EMILIN1: variants seen among roughly 807,000 people sequenced by gnomAD.
EMILIN1 encodes the protein EMILIN-1.
EMILIN1 carries 49 observed loss-of-function variants against 82.4 expected under a neutral mutation model. That is an observed-to-expected ratio of 0.59 (90% CI 0.47 to 0.75). The LOEUF is 0.75. Ranked by LOEUF, EMILIN1 falls within the 30% of genes least tolerant of loss-of-function variation. The pLI, the probability that EMILIN1 is intolerant of heterozygous loss-of-function variation, is 0.00. For missense variants in EMILIN1, 1,313 were observed against 1,366.4 expected (o/e 0.96, Z 0.62); for synonymous variants, 604 against 602.2 (o/e 1.00, Z -0.04).
chr2:27,081,209 AAG>A (rs1669471036), intron 3 of EMILIN1, among the ~76,000 whole-genome samples: 2 of 151,756 alleles, frequency 1.3e-5, no homozygotes, highest in East Asian at 3.9e-4. Context: ...GACTGAGAAA[AAG>A]AAGGCCAAAA....
At chr2:27,085,318 G>A (rs1229390342) in intron 7 of EMILIN1, 21 bp downstream of exon 7, 1 of 1,613,576 alleles carries the variant, frequency 6.2e-7, no homozygotes, top group Non-Finnish European at 8.5e-7. Context: ...GAGGGGCTGG[G>A]TTGAACGGTT....
In EMILIN1 at chr2:27,080,895, C is replaced by T. The variant is rs1221738236; in HGVS notation, c.454C>T (p.Arg152Cys). The change falls in exon 3 of 8, where the codon CGC (arginine) becomes TGC (cysteine). Residue 152 changes from arginine to cysteine, a missense_variant. Physicochemically the swap from Arg to Cys is radical, Grantham distance 180 (BLOSUM62 -3). Transcript: ENST00000380320. Reference sequence around the variant, plus strand: ...ACCACGGCCCCTGGCCCGGCCTGCCCGCCCCAACCTCTCTGGCTCCAGTGC... The same window carrying T: ...ACCACGGCCCCTGGCCCGGCCTGCCTGCCCCAACCTCTCTGGCTCCAGTGC... ...STPRPLARPA[R>C]PNLSGSSAGS... is the part of the protein sequence containing the mutation. 14 of 1,607,274 alleles carry T rather than the reference C, an allele frequency of 8.7e-6. No individual in the cohort carries two copies. Among genetic ancestry groups the T allele is most frequent in the Admixed American group, 1.7e-5 (1 of 59,112 alleles).
Position 27,082,798 on chromosome 2 carries a change from C to A in EMILIN1, c.1227C>A (p.Arg409=). Residue 409 remains arginine, a synonymous_variant, in exon 4 of 8, where the codon CGC becomes CGA. Coordinates refer to ENST00000380320, the MANE Select transcript of EMILIN1 (RefSeq NM_007046.4). ...GYTSLASRLS[R]LEDRFNSTLG... ...CCAGCTTGGCCTCCCGCCTGTCTCG[C>A]CTGGAGGACCGCTTCAACTCCACCC... 1 of 1,550,474 alleles carries A rather than the reference C, an allele frequency of 6.4e-7. No individual in the cohort carries two copies. The highest frequency in any genetic ancestry group is 8.7e-7 in the Non-Finnish European group (1 of 1,155,496).
chr2:27,083,098 G>A lies in EMILIN1; in HGVS notation c.1527G>A (p.Gly509=). 1 of 1,561,302 alleles carries A rather than the reference G, an allele frequency of 6.4e-7. No individual in the cohort carries two copies. Among genetic ancestry groups the A allele is most frequent in the Non-Finnish European group, 8.7e-7 (1 of 1,152,594 alleles). ...ALERRVLDSE[G]QLRLVGSGLH... ...AGCGCAGGGTGCTGGACAGTGAGGG[G>A]CAGCTGCGGCTGGTGGGCTCCGGCC... Residue 509 remains glycine (G), a synonymous_variant, in exon 4 of 8, where the codon GGG becomes GGA. Coordinates refer to ENST00000380320, the MANE Select transcript of EMILIN1 (RefSeq NM_007046.4).
rs1415024074 is a variant in EMILIN1, at chr2:27,084,001, G to A, written c.2430G>A (p.Lys810=). 6.7e-7 allele frequency: 1 copy of A among 1,501,188 alleles called. No individual in the cohort carries two copies. 93.0% of individuals were successfully genotyped at this position (1,501,188 alleles called of 1,614,324 possible). ...LEDRLHQLSL[K]DLTGPAGEAG... ...ACCGTCTGCACCAGCTCAGCCTGAA[G>A]GACCTCACTGGTGAGGGGACAAAAG... The change falls in exon 4 of 8, where the codon AAG becomes AAA. Residue 810 remains lysine, a synonymous_variant. Coordinates refer to ENST00000380320, the MANE Select transcript of EMILIN1 (RefSeq NM_007046.4).
Position 27,078,753 on chromosome 2 carries a change from G to A in EMILIN1, c.-313G>A, listed in dbSNP as rs553096718. ...ACGCCCAGGAGGCAACTTCTGAGAC[G>A]CAGCTCCTGAGAGGGGCAGGGACCA... On this transcript the variant is annotated 5_prime_UTR_variant, in exon 1 of 8. Coordinates refer to ENST00000380320, the MANE Select transcript of EMILIN1 (RefSeq NM_007046.4). 610 of 309,814 alleles carry A rather than the reference G, an allele frequency of 2.0e-3. 1 individual carries two copies. The highest frequency in any genetic ancestry group is 0.013 in the South Asian group (115 of 9,164). 19.2% of individuals were successfully genotyped at this position (309,814 alleles called of 1,614,324 possible).
chr2:27,085,718 C>T lies in EMILIN1; in HGVS notation c.2754C>T (p.Ser918=). The T allele has an allele frequency of 6.2e-7, 1 of 1,606,466 alleles. No individual in the cohort carries two copies. The highest frequency in any genetic ancestry group is 1.1e-5 in the South Asian group (1 of 90,944). ...CACTGGCTGGACGCTACTTGCTGAG[C>T]GCGGTGCTGACTGGGCACCGGCACG... ...TAPLAGRYLL[S]AVLTGHRHEK... The change falls in exon 8 of 8, where the codon AGC becomes AGT. Residue 918 remains serine (S), a synonymous_variant. Transcript: ENST00000380320.
Position 27,079,087 on chromosome 2 carries a change from A to G in EMILIN1, c.22A>G (p.Ser8Gly), listed in dbSNP as rs551486878. 6.2e-7 allele frequency: 1 copy of G among 1,603,746 alleles called. No homozygotes were observed. The highest frequency in any genetic ancestry group is 1.4e-5 in the African/African-American group (1 of 74,006). ...CGCCATGGCCCCCCGCACCCTCTGG[A>G]GCTGCTACCTCTGCTGCCTGCTGAC... The part of the protein sequence containing the change: MAPRTLW[S>G]CYLCCLLTAA... Residue 8 changes from serine (S) to glycine (G), a missense_variant, in exon 1 of 8, where the codon AGC (serine) becomes GGC (glycine). By Grantham distance (56) the Ser-to-Gly change is moderately conservative (BLOSUM62 0). Transcript: ENST00000380320.
At chr2:27,080,341 A>G in intron 2 of EMILIN1, 71 bp downstream of exon 2, 2 of 1,589,364 alleles carry the variant, frequency 1.3e-6, no homozygotes, top group Non-Finnish European at 8.6e-7. Flanking sequence ...TGGCTGACTC[A>G]GGGAGTCTGT....
In EMILIN1 at chr2:27,083,265, C is replaced by T; in HGVS notation, c.1694C>T (p.Ala565Val). Residue 565 changes from alanine to valine, a missense_variant, in exon 4 of 8, where the codon GCC becomes GTC. Ala to Val is a moderately conservative substitution (Grantham distance 64, BLOSUM62 0). Transcript: ENST00000380320. The part of the protein sequence containing the change: ...EFTLRLNLTA[A>V]RLGQLEGLLQ... The stretch of plus-strand genomic sequence containing the variant: ...ACACTACGGCTGAATCTCACTGCGG[C>T]CCGGCTAGGCCAACTGGAGGGGCTG... The T allele has an allele frequency of 1.2e-6, 2 of 1,612,442 alleles. No individual in the cohort carries two copies. Among genetic ancestry groups the T allele is most frequent in the Non-Finnish European group, 8.5e-7 (1 of 1,179,208 alleles).
At position 27,083,727 on chromosome 2, in the gene EMILIN1, A is replaced by G; in HGVS notation, c.2156A>G (p.Gln719Arg). The G allele has an allele frequency of 6.2e-7, 1 of 1,613,846 alleles. No individual in the cohort carries two copies. Reference sequence around the variant, plus strand: ...GAGGAGGGACAAGCACAGGCCGGCCAGTGCCCCAGCTTAGAGGGGCGATTG... The same window carrying G: ...GAGGAGGGACAAGCACAGGCCGGCCGGTGCCCCAGCTTAGAGGGGCGATTG... ...GLEEGQAQAGQCPSLEGRLGR... is the reference protein window; with the variant it reads ...GLEEGQAQAGRCPSLEGRLGR... The change falls in exon 4 of 8, where the codon CAG becomes CGG. Residue 719 changes from glutamine to arginine, a missense_variant. By Grantham distance (43) the Gln-to-Arg change is conservative. Coordinates refer to ENST00000380320, the MANE Select transcript of EMILIN1 (RefSeq NM_007046.4).
Position 27,086,133 on chromosome 2 carries a change from C to A in EMILIN1, c.*118C>A. 2 of 756,100 alleles carry A rather than the reference C, an allele frequency of 2.6e-6. No individual in the cohort carries two copies. Among genetic ancestry groups the A allele is most frequent in the Non-Finnish European group, 3.7e-6 (2 of 541,746 alleles). The allele number at this position is 756,100 out of a possible 1,614,324, so 46.8% of individuals were successfully genotyped here. On this transcript the variant is annotated 3_prime_UTR_variant, in exon 8 of 8. Coordinates refer to ENST00000380320, the MANE Select transcript of EMILIN1 (RefSeq NM_007046.4). ...TGGGCGAGCGCCGCACCCGGGCCCGCAGCGGCACCGCGCCCAGAGCGGCCT... is the reference window on the plus strand; with the variant it reads ...TGGGCGAGCGCCGCACCCGGGCCCGAAGCGGCACCGCGCCCAGAGCGGCCT...
intron 7 of EMILIN1, 40 bp downstream of exon 7, chr2:27,085,337 G>A: frequency 1.2e-6 from 2 of 1,612,002 alleles, no homozygotes; most frequent in Non-Finnish European, 1.7e-6. Flanking sequence ...TTGGAGAAAT[G>A]GGTGAGGTGT....
Position 27,082,140 on chromosome 2 carries a change from A to C in EMILIN1, c.569A>C (p.Lys190Thr). ...QLEEQVQSLT[K>T]ELQGLRGVLQ... ...GAGGAACAGGTGCAGAGCCTGACCA[A>C]GGAGCTGCAAGGCCTGCGGGGCGTC... Residue 190 changes from lysine to threonine, a missense_variant, in exon 4 of 8, where the codon AAG (lysine) becomes ACG (threonine). Transcript: ENST00000380320. 2 of 1,613,744 alleles carry C rather than the reference A, an allele frequency of 1.2e-6. No homozygotes were observed. The highest frequency in any genetic ancestry group is 1.7e-6 in the Non-Finnish European group (2 of 1,179,988).
At position 27,078,853 on chromosome 2, in the gene EMILIN1, G is replaced by A. The variant is rs983399378; in HGVS notation, c.-213G>A. 17 of 483,128 alleles carry A rather than the reference G, an allele frequency of 3.5e-5. 1 individual carries two copies. The East Asian group carries it at 6.0e-4, about 17-fold the overall frequency. The allele number at this position is 483,128 out of a possible 1,614,324, so 29.9% of individuals were successfully genotyped here. On this transcript the variant is annotated 5_prime_UTR_variant, in exon 1 of 8. Transcript: ENST00000380320. ...AGAGGAGAGCGGAAGGAACCGAGAG[G>A]GGACGGACAGGAGCTGAGGAGGAAA...
chr2:27,083,105 C>A lies in EMILIN1; in HGVS notation c.1534C>A (p.Arg512=), dbSNP rs534735729. Residue 512 remains arginine, a synonymous_variant, in exon 4 of 8, where the codon CGG becomes AGG. Coordinates refer to ENST00000380320, the MANE Select transcript of EMILIN1 (RefSeq NM_007046.4). The part of the protein sequence containing the change: ...RRVLDSEGQL[R]LVGSGLHTVE... ...GGTGCTGGACAGTGAGGGGCAGCTG[C>A]GGCTGGTGGGCTCCGGCCTGCACAC... 33 of 1,562,700 alleles carry A rather than the reference C, an allele frequency of 2.1e-5. No individual in the cohort carries two copies. In the East Asian group the frequency reaches 4.7e-4, roughly 22 times the overall value.
rs1669634747 is a variant in EMILIN1 at position 27,086,223 on chromosome 2, G to A, written c.*208G>A. On this transcript the variant is annotated 3_prime_UTR_variant, in exon 8 of 8. Coordinates refer to ENST00000380320, the MANE Select transcript of EMILIN1 (RefSeq NM_007046.4). Reference sequence around the variant, plus strand: ...GGCCGCCCATGCAGACTTTTGGCCTGGCGCGATCCCCCAAGAACCCCTCCA... The same window carrying A: ...GGCCGCCCATGCAGACTTTTGGCCTAGCGCGATCCCCCAAGAACCCCTCCA... 5.2e-6 allele frequency: 2 copies of A among 383,016 alleles called. No individual in the cohort carries two copies. The highest frequency in any genetic ancestry group is 4.6e-5 in the Admixed American group (1 of 21,962). The allele number at this position is 383,016 out of a possible 1,614,324, so 23.7% of individuals were successfully genotyped here.
In EMILIN1 at chr2:27,078,970, G is replaced by A. The variant is rs879231355; in HGVS notation, c.-96G>A. On this transcript the variant is annotated 5_prime_UTR_variant, in exon 1 of 8. Transcript: ENST00000380320. ...AAACTGGGACGGACGGGCCGGGCTCGGGCTGTCCTGTGGAGCAGCAGCATC... is the reference window on the plus strand; with the variant it reads ...AAACTGGGACGGACGGGCCGGGCTCAGGCTGTCCTGTGGAGCAGCAGCATC... 18 of 984,212 alleles carry A rather than the reference G, an allele frequency of 1.8e-5. No homozygotes were observed. Among genetic ancestry groups the A allele is most frequent in the South Asian group, 1.4e-4 (8 of 55,180 alleles). 61.0% of individuals were successfully genotyped at this position (984,212 alleles called of 1,614,324 possible).
chr2:27,082,614 G>C lies in EMILIN1; in HGVS notation c.1043G>C (p.Arg348Thr), dbSNP rs1669501862. The change falls in exon 4 of 8, where the codon AGG (arginine) becomes ACG (threonine). Residue 348 changes from arginine to threonine, a missense_variant. Transcript: ENST00000380320. ...CTCGCAGGGCTGGCGGTGGGCCGCA[G>C]GCCCCCTCAGGAATGCTGCTCTCCA... Reference protein sequence around the residue: ...RHLAGLAVGRRPPQECCSPEL... With the variant: ...RHLAGLAVGRTPPQECCSPEL... The C allele has an allele frequency of 1.9e-6, 3 of 1,543,666 alleles. No homozygotes were observed. In the South Asian group the frequency reaches 3.6e-5, roughly 18 times the overall value.
Sources: allele counts gnomAD v4.1 joint callset (sites outside exome capture counted in the v4.1 genomes callset), GRCh38; gene constraint gnomAD v4.1.1; transcripts MANE v1.5; gene names NCBI Gene and HGNC (gene_info 2026-07-23, HGNC 2026-07-21).